Variants in SETD7 observed in about 807,000 individuals in gnomAD.
SETD7 encodes the protein histone-lysine N-methyltransferase SETD7.
A neutral mutation model predicts 41.8 loss-of-function variants in SETD7; 16 were observed. That is an observed-to-expected ratio of 0.38 (90% CI 0.26 to 0.58). The LOEUF (loss-of-function observed/expected upper bound fraction) is 0.58, where lower values mean the gene tolerates loss of function less well. Ranked by LOEUF, SETD7 falls within the 20% of genes least tolerant of loss-of-function variation. The probability of loss-of-function intolerance (pLI) is 0.64; values close to 1 mark genes in which losing one functional copy is unlikely to be tolerated. For missense variants in SETD7, 346 were observed against 459.7 expected (o/e 0.75, Z 2.26); for synonymous variants, 163 against 169.7 (o/e 0.96, Z 0.31).
At chr4:139,515,671 T>G (rs1349780279) in intron 7 of SETD7, among the ~76,000 whole-genome samples, 1 of 152,218 alleles carries the variant, frequency 6.6e-6, no homozygotes, top group Non-Finnish European at 1.5e-5. Flanking sequence ...TACCCGTCCT[T>G]TAAACAGAAG....
chr4:139,528,989 C>T (rs1307951366), intron 4 of SETD7, 42 bp downstream of exon 4: 16 of 1,556,510 alleles, frequency 1.0e-5, no homozygotes, highest in Non-Finnish European at 1.4e-5. Context: ...TAACAACCTG[C>T]TTTGGAATTG....
chr4:139,547,877 A>G (rs1170463833), intron 1 of SETD7: 1 of 152,248 alleles, frequency 6.6e-6, no homozygotes, highest in Non-Finnish European at 1.5e-5. Context: ...ATGATTGTGA[A>G]CATCAGCAGA....
chr4:139,546,859 T>C, intron 2 of SETD7, 61 bp downstream of exon 2: 1 of 1,606,362 alleles, frequency 6.2e-7, no homozygotes, highest in South Asian at 1.1e-5. Flanking sequence ...TCGTTTGTAT[T>C]AGTCCTTAAC....
At chr4:139,553,129 C>T (rs1337630930) in intron 1 of SETD7, among the ~76,000 whole-genome samples, 1 of 152,162 alleles carries the variant, frequency 6.6e-6, no homozygotes, top group Non-Finnish European at 1.5e-5. Context: ...AACACTCTCT[C>T]GACACAGCCT....
intron 4 of SETD7, among the ~76,000 whole-genome samples, chr4:139,527,750 AT>A (rs1196584482): frequency 1.3e-5 from 2 of 152,184 alleles, no homozygotes; most frequent in African/African-American, 4.8e-5. Flanking sequence ...ATACATTACT[AT>A]GTACAAAACT....
intron 7 of SETD7, among the ~76,000 whole-genome samples, chr4:139,498,611 A>T (rs991949486): frequency 1.3e-5 from 2 of 152,174 alleles, no homozygotes; most frequent in African/African-American, 2.4e-5. Flanking sequence ...GGTTCAGAAG[A>T]CAATATCCAG....
chr4:139,522,584 C>T (rs557065367), intron 5 of SETD7, among the ~76,000 whole-genome samples: 13 of 151,958 alleles, frequency 8.6e-5, no homozygotes, highest in Non-Finnish European at 1.2e-4. Flanking sequence ...AGAACACCTC[C>T]GCTGGTCTAA....
At chr4:139,503,385 A>G (rs59922184), downstream of SETD7, among the ~76,000 whole-genome samples, 838 of 152,086 alleles carry the variant, frequency 5.5e-3, 6 homozygotes, top group African/African-American at 0.019. Context: ...AAGTATGGTT[A>G]GGAGAGCAGC....
Position 139,507,690 on chromosome 4 carries a change from A to G in SETD7, c.*3973T>C, listed in dbSNP as rs997474787. On this transcript the variant is annotated 3_prime_UTR_variant, in exon 8 of 8. Transcript: ENST00000274031. The stretch of plus-strand genomic sequence containing the variant: ...TTGAATATGTACGCACACATTTGGC[A>G]AAAGAAAACTATTACAATTTAGTAT... The G allele has an allele frequency of 6.5e-6, 1 of 152,690 alleles. No individual in the cohort carries two copies. Among genetic ancestry groups the G allele is most frequent in the Non-Finnish European group, 1.5e-5 (1 of 68,050 alleles). The allele number at this position is 152,690 out of a possible 1,614,324, so 9.5% of individuals were successfully genotyped here.
At chr4:139,498,645 T>A (rs1726511018) in intron 7 of SETD7, among the ~76,000 whole-genome samples, 2 of 152,286 alleles carry the variant, frequency 1.3e-5, no homozygotes, top group South Asian at 4.2e-4. Context: ...AGAGGCAGCT[T>A]CAGGAGCAAA....
rs1292932906 is a variant in SETD7 at position 139,555,791 on chromosome 4, C to A, written c.40+307G>T. Among the ~76,000 whole-genome samples the A allele has an allele frequency of 6.6e-6, 1 of 152,160 alleles. No homozygotes were observed. The highest frequency in any genetic ancestry group is 2.4e-5 in the African/African-American group (1 of 41,456). On this transcript the variant is annotated intron_variant, in intron 1 of 7. Transcript: ENST00000274031. The surrounding 1 kb of genome is among the most constrained non-coding windows in gnomAD (Gnocchi z 4.0). ...GCGCCCAAAGGCGGAAAGGCCAGAG[C>A]GCGGGGCAGGTTTCGCAACTCCGAG...
Position 139,533,342 on chromosome 4 carries a change from A to C in SETD7, c.195T>G (p.Asp65Glu), listed in dbSNP as rs553341011. The C allele has an allele frequency of 6.2e-7, 1 of 1,614,004 alleles. No individual in the cohort carries two copies. Among genetic ancestry groups the C allele is most frequent in the East Asian group, 2.2e-5 (1 of 44,884 alleles). Residue 65 changes from aspartate (D) to glutamate (E), a missense_variant, in exon 3 of 8, where the codon GAT becomes GAG. Coordinates refer to ENST00000274031, the MANE Select transcript of SETD7 (RefSeq NM_030648.4). ...AAACTCCCTGGCCCTGCAAGGCATC[A>C]TCCACATAATACCCCTCCAGGGTGC... ...DGSTLEGYYV[D>E]DALQGQGVYT...
chr4:139,543,798 C>CAAAAAAAAAAAA (rs1182628309), intron 2 of SETD7, among the ~76,000 whole-genome samples: 1 of 119,960 alleles, frequency 8.3e-6, no homozygotes. Flanking sequence ...TAAAAAAATA[C>CAAAAAAAAAAAA]AAAAAAAAAA....
At position 139,546,838 on chromosome 4, in the gene SETD7, C is replaced by T; in HGVS notation, c.170+82G>A. Reference sequence around the variant, plus strand: ...TGAATAAATTGTAGAAAAACTTCCACTTGAATTCTTTCGTTTGTATTAGTC... The same window carrying T: ...TGAATAAATTGTAGAAAAACTTCCATTTGAATTCTTTCGTTTGTATTAGTC... On this transcript the variant is annotated intron_variant, in intron 2 of 7. Coordinates refer to ENST00000274031, the MANE Select transcript of SETD7 (RefSeq NM_030648.4). 5 of 1,581,120 alleles carry T rather than the reference C, an allele frequency of 3.2e-6. No homozygotes were observed. The South Asian group carries it at 5.6e-5, about 18-fold the overall frequency.
At chr4:139,514,025 G>A (rs1047917272) in intron 7 of SETD7, among the ~76,000 whole-genome samples, 2 of 152,232 alleles carry the variant, frequency 1.3e-5, no homozygotes, top group Non-Finnish European at 2.9e-5. Flanking sequence ...GCCCATGCCT[G>A]TATTCCCACC....
Position 139,498,320 on chromosome 4 carries a change from G to T in SETD7, c.921-1799C>A, listed in dbSNP as rs1238994257. Among the ~76,000 whole-genome samples, 3 of 152,022 alleles carry T rather than the reference G, an allele frequency of 2.0e-5. No individual in the cohort carries two copies. The East Asian group carries it at 5.8e-4, about 29-fold the overall frequency. On this transcript the variant is annotated intron_variant, in intron 7 of 7. Coordinates refer to the SETD7 transcript ENST00000506866. ...TGTGCCTACAACCACTTCCTTCTTA[G>T]GCCTCTTCCACTCCAAGCCACCATT...
chr4:139,539,207 T>C (rs1284994120), intron 2 of SETD7, among the ~76,000 whole-genome samples: 4 of 152,214 alleles, frequency 2.6e-5, no homozygotes, highest in African/African-American at 9.6e-5. Context: ...CCCTTCCTTT[T>C]GTCAGCCATA....
intron 5 of SETD7, among the ~76,000 whole-genome samples, chr4:139,523,102 G>T (rs1409225137): frequency 6.6e-6 from 1 of 152,062 alleles, no homozygotes; most frequent in Non-Finnish European, 1.5e-5. Context: ...AGACACACAA[G>T]CTGTTCTGTG....
intron 6 of SETD7, 113 bp from the exon 7 acceptor site, chr4:139,518,155 TCTCA>T: frequency 8.5e-7 from 1 of 1,172,828 alleles, no homozygotes; most frequent in African/African-American, 1.6e-5. Flanking sequence ...TGAGACAGGG[TCTCA>T]CTCTGTCACC....
Sources: gnomAD v4.1 joint callset for allele counts (sites outside exome capture counted in the v4.1 genomes callset) on GRCh38, gnomAD v4.1.1 for gene constraint, Gnocchi (gnomAD v3.1) non-coding constraint, MANE v1.5 for transcripts, NCBI Gene and HGNC (gene_info 2026-07-23, HGNC 2026-07-21) for gene names.